CPPED1: variants seen among roughly 807,000 people sequenced by gnomAD.
CPPED1 encodes serine/threonine-protein phosphatase CPPED1.
A neutral mutation model predicts 28.0 loss-of-function variants in CPPED1; 28 were observed. That is an observed-to-expected ratio of 1.00 (90% CI 0.74 to 1.37). The LOEUF is 1.37. CPPED1 is among the 40% of genes most tolerant of loss of function. The pLI, the probability that CPPED1 is intolerant of heterozygous loss-of-function variation, is 0.00. For synonymous variants in CPPED1, 198 were observed against 180.2 expected, an observed-to-expected ratio of 1.10 and a Z score of -0.79; for missense variants, 504 against 416.5, an observed-to-expected ratio of 1.21 and a Z score of -1.83.
chr16:12,770,776 C>T (rs544830084), intron 2 of CPPED1, among the ~76,000 whole-genome samples: 21 of 151,624 alleles, frequency 1.4e-4, no homozygotes, highest in South Asian at 8.4e-4. Flanking sequence ...GAGCCGAGAT[C>T]GCGCCATTGC....
At chr16:12,683,492 T>C (rs1305724022) in intron 3 of CPPED1, among the ~76,000 whole-genome samples, 4 of 152,128 alleles carry the variant, frequency 2.6e-5, no homozygotes, top group African/African-American at 4.8e-5. Flanking sequence ...CAACAATCGG[T>C]TCCTAGGCTT....
intron 2 of CPPED1, among the ~76,000 whole-genome samples, chr16:12,773,571 A>C (rs1303187198): frequency 6.6e-6 from 1 of 152,022 alleles, no homozygotes; most frequent in East Asian, 1.9e-4. Flanking sequence ...AAACATACTA[A>C]AATTAGCCGG....
At chr16:12,713,111 A>T (rs1025026843) in intron 2 of CPPED1, among the ~76,000 whole-genome samples, 1 of 152,202 alleles carries the variant, frequency 6.6e-6, no homozygotes, top group Non-Finnish European at 1.5e-5. Context: ...TCTTAAAAAA[A>T]AAAATCGCAG....
intron 2 of CPPED1, among the ~76,000 whole-genome samples, chr16:12,777,767 C>T (rs1267393156): frequency 2.0e-5 from 3 of 151,960 alleles, no homozygotes; most frequent in Non-Finnish European, 4.4e-5. Context: ...ACATCCATAG[C>T]ATCTAACACT....
intron 2 of CPPED1, among the ~76,000 whole-genome samples, chr16:12,738,661 T>A (rs1024106376): frequency 2.0e-5 from 3 of 151,998 alleles, no homozygotes; most frequent in African/African-American, 4.8e-5. Flanking sequence ...AGGAAAAAAA[T>A]TATTCAAATT....
At chr16:12,692,736 C>T (rs1281943513) in intron 3 of CPPED1, among the ~76,000 whole-genome samples, 2 of 152,228 alleles carry the variant, frequency 1.3e-5, no homozygotes, top group African/African-American at 2.4e-5. Context: ...GCCTGTTCAT[C>T]TCCTGCACTT....
At chr16:12,766,672 G>A (rs989634694) in intron 2 of CPPED1, among the ~76,000 whole-genome samples, 1 of 152,138 alleles carries the variant, frequency 6.6e-6, no homozygotes, top group African/African-American at 2.4e-5. Context: ...GGGAGACTGA[G>A]GCAGGAGAAT....
At chr16:12,714,124 T>C (rs74664182) in intron 2 of CPPED1, among the ~76,000 whole-genome samples, 5,143 of 152,336 alleles carry the variant, frequency 0.034, 131 homozygotes, top group East Asian at 0.1. Context: ...ATTCTTTAAT[T>C]GCTGAATACT....
chr16:12,755,532 C>T (rs926784246), intron 2 of CPPED1, among the ~76,000 whole-genome samples: 1 of 152,082 alleles, frequency 6.6e-6, no homozygotes, highest in African/African-American at 2.4e-5. Context: ...ATCCTCCCAC[C>T]TCAGCCTCTC....
chr16:12,770,895 G>T (rs1053619083), intron 2 of CPPED1, among the ~76,000 whole-genome samples: 1 of 137,012 alleles, frequency 7.3e-6, no homozygotes, highest in Admixed American at 7.2e-5. Context: ...AAGGGGGAGG[G>T]GCGGGGCGGG....
intron 3 of CPPED1, among the ~76,000 whole-genome samples, chr16:12,696,537 G>A (rs1048669555): frequency 6.6e-6 from 1 of 150,850 alleles, no homozygotes; most frequent in Admixed American, 6.6e-5. Flanking sequence ...GCCTTCCCAG[G>A]TTCAAGTGAT....
intron 3 of CPPED1, among the ~76,000 whole-genome samples, chr16:12,688,917 C>A (rs909442670): frequency 6.6e-6 from 1 of 152,148 alleles, no homozygotes; most frequent in Non-Finnish European, 1.5e-5. Context: ...TCACATGTGG[C>A]CTTACTTACC....
chr16:12,769,050 A>G (rs1193495929), intron 2 of CPPED1, among the ~76,000 whole-genome samples: 1 of 151,916 alleles, frequency 6.6e-6, no homozygotes, highest in Admixed American at 6.6e-5. Context: ...TTTTTAGTAG[A>G]GACGGGGTTT....
intron 2 of CPPED1, among the ~76,000 whole-genome samples, chr16:12,730,012 C>T (rs1407081979): frequency 6.6e-6 from 1 of 152,166 alleles, no homozygotes; most frequent in Non-Finnish European, 1.5e-5. Context: ...TAGACACATG[C>T]CACCATGCCT....
At chr16:12,689,769 T>G (rs1322264409) in intron 3 of CPPED1, among the ~76,000 whole-genome samples, 1 of 152,156 alleles carries the variant, frequency 6.6e-6, no homozygotes, top group African/African-American at 2.4e-5. Context: ...ATCATCAGAT[T>G]ACTGATGGAT....
chr16:12,708,158 T>G (rs2080061342), intron 2 of CPPED1, among the ~76,000 whole-genome samples: 1 of 150,080 alleles, frequency 6.7e-6, no homozygotes, highest in African/African-American at 2.5e-5. Context: ...AAAAAATTAT[T>G]TATTTATTTA....
intron 1 of CPPED1, among the ~76,000 whole-genome samples, chr16:12,788,598 G>A (rs2080578100): frequency 6.6e-6 from 1 of 152,080 alleles, no homozygotes; most frequent in Non-Finnish European, 1.5e-5. Context: ...GGGAGATGGG[G>A]CTTAGGCATG....
intron 3 of CPPED1, among the ~76,000 whole-genome samples, chr16:12,691,771 A>G (rs953040286): frequency 7.6e-6 from 1 of 131,938 alleles, no homozygotes; most frequent in African/African-American, 2.8e-5. Context: ...GTGAGAACAC[A>G]TGGACACAGG....
chr16:12,717,530 C>G (rs1399773130), intron 2 of CPPED1, among the ~76,000 whole-genome samples: 1 of 152,120 alleles, frequency 6.6e-6, no homozygotes, highest in African/African-American at 2.4e-5. Context: ...TCCCAAAGTG[C>G]TAGGATTACA....
Sources: gnomAD v4.1 joint callset for allele counts (sites outside exome capture counted in the v4.1 genomes callset) on GRCh38, gnomAD v4.1.1 for gene constraint, MANE v1.5 for transcripts, NCBI Gene and HGNC (gene_info 2026-07-23, HGNC 2026-07-21) for gene names.